Variants in EPHA6 observed in about 807,000 individuals in gnomAD.
EPHA6 encodes EPH receptor A6, also known as ephrin type-A receptor 6.
A neutral mutation model predicts 112.0 loss-of-function variants in EPHA6; 50 were observed. The observed-to-expected ratio is 0.45, with a 90% CI of 0.36 to 0.56. The LOEUF is 0.56. EPHA6 is among the 20% of genes least tolerant of loss of function. The pLI is 0.00. For missense variants in EPHA6, 1,280 were observed against 1,417.4 expected (o/e 0.90, Z 1.56); for synonymous variants, 529 against 490.7 (o/e 1.08, Z -1.03).
chr3:97,173,140 G>C (rs1236341374), intron 3 of EPHA6, among the ~76,000 whole-genome samples: 1 of 151,670 alleles, frequency 6.6e-6, no homozygotes, highest in Admixed American at 6.6e-5. Flanking sequence ...GCTTACACTT[G>C]GACAAGTTAG....
chr3:97,027,484 GA>G (rs1401159554), intron 3 of EPHA6, among the ~76,000 whole-genome samples: 2 of 151,694 alleles, frequency 1.3e-5, no homozygotes, highest in East Asian at 1.9e-4. Flanking sequence ...CACCTCCAAG[GA>G]AAAAAACACC....
intron 14 of EPHA6, among the ~76,000 whole-genome samples, chr3:97,664,475 A>G (rs2094192079): frequency 6.6e-6 from 1 of 152,144 alleles, no homozygotes; most frequent in Non-Finnish European, 1.5e-5. Context: ...GGCCAGGGCA[A>G]TCAGGCAGGA....
At chr3:97,465,064 A>G (rs1250318152) in intron 7 of EPHA6, among the ~76,000 whole-genome samples, 2 of 152,120 alleles carry the variant, frequency 1.3e-5, no homozygotes, top group Non-Finnish European at 2.9e-5. Flanking sequence ...AATCAGTGCC[A>G]TATTGTGAAG....
chr3:97,332,571 G>T (rs977081996), intron 5 of EPHA6, among the ~76,000 whole-genome samples: 4 of 152,058 alleles, frequency 2.6e-5, no homozygotes, highest in African/African-American at 4.8e-5. Context: ...TTTTCTAAAA[G>T]TTTTATGTTT....
chr3:97,088,872 A>G (rs1165275396), intron 3 of EPHA6, among the ~76,000 whole-genome samples: 9 of 152,182 alleles, frequency 5.9e-5, no homozygotes, highest in African/African-American at 9.6e-5. Flanking sequence ...AAAGGGTAAC[A>G]GCTAAAAGCA....
rs549266606 is a variant in EPHA6 at position 97,614,427 on chromosome 3, C to T, written c.2574+3573C>T. Among the ~76,000 whole-genome samples the T allele has an allele frequency of 4.4e-3, 657 of 150,224 alleles. 7 individuals carry two copies. The highest frequency in any genetic ancestry group is 0.015 in the African/African-American group (603 of 40,982). On this transcript the variant is annotated intron_variant, in intron 13 of 17. Coordinates refer to ENST00000389672, the MANE Select transcript of EPHA6 (RefSeq NM_001080448.3). ...TTGGCTCACTGCAACCTCCGCCTCC[C>T]GGGTTCAAGTGATTCTCCTGCCTCA... is the stretch of plus-strand genomic sequence containing the variant.
intron 14 of EPHA6, among the ~76,000 whole-genome samples, chr3:97,684,186 C>T (rs913751308): frequency 2.0e-5 from 3 of 151,990 alleles, no homozygotes; most frequent in Admixed American, 6.6e-5. Context: ...AATTCTTTTT[C>T]GTACTCAGCA....
At chr3:97,319,667 C>CAAAAAAAAAAAA (rs1340197693) in intron 5 of EPHA6, among the ~76,000 whole-genome samples, 1 of 54,774 alleles carries the variant, frequency 1.8e-5, no homozygotes, top group African/African-American at 6.2e-5. Context: ...GAGATTGTCT[C>CAAAAAAAAAAAA]AAAAAAAAAA....
chr3:97,451,118 A>G (rs1296972851), intron 7 of EPHA6, among the ~76,000 whole-genome samples: 1 of 152,044 alleles, frequency 6.6e-6, no homozygotes, highest in East Asian at 1.9e-4. Context: ...ATGAAGGTGG[A>G]GAGTTACACA....
At chr3:97,067,892 C>T (rs953981829) in intron 3 of EPHA6, among the ~76,000 whole-genome samples, 17 of 151,854 alleles carry the variant, frequency 1.1e-4, no homozygotes, top group African/African-American at 3.9e-4. Flanking sequence ...CCTGTAATCC[C>T]AACACTTTGG....
Position 96,987,486 on chromosome 3 carries a change from A to C in EPHA6, c.607A>C (p.Arg203=). The change falls in exon 3 of 18, where the codon AGG becomes CGG. Residue 203 remains arginine, a synonymous_variant. Transcript: ENST00000389672. The part of the protein sequence containing the change: ...KIYVEMKFTL[R]DCNSIPWVLG... ...TTATGTGGAAATGAAATTCACACTA[A>C]GGGATTGTAACAGCATCCCATGGGT... 1 of 1,613,960 alleles carries C rather than the reference A, an allele frequency of 6.2e-7. No homozygotes were observed. Among genetic ancestry groups the C allele is most frequent in the Non-Finnish European group, 8.5e-7 (1 of 1,179,864 alleles).
In EPHA6 at chr3:97,227,510, C is replaced by T. The variant is rs564104293; in HGVS notation, c.1270+1091C>T. 1.8e-4 allele frequency among the ~76,000 whole-genome samples: 28 copies of T among 152,232 alleles called. No homozygotes were observed. The South Asian group carries it at 2.7e-3, about 15-fold the overall frequency. ...TGCTGGGATTACAAGCATGAGCCAC[C>T]GCCCCTGGCCGAAACTATTTTTTAT... On this transcript the variant is annotated intron_variant, in intron 4 of 17. Transcript: ENST00000389672.
chr3:97,411,216 T>C (rs2087692624), intron 6 of EPHA6, among the ~76,000 whole-genome samples: 1 of 152,016 alleles, frequency 6.6e-6, no homozygotes, highest in African/African-American at 2.4e-5. Context: ...TGTTGTTCAA[T>C]AAACATCACA....
intron 2 of EPHA6, among the ~76,000 whole-genome samples, chr3:96,981,680 T>C (rs1457715870): frequency 6.6e-6 from 1 of 151,698 alleles, no homozygotes; most frequent in Non-Finnish European, 1.5e-5. Context: ...ATCCTTCTGG[T>C]CCTGGACTTT....
At chr3:97,055,047 T>A (rs1291287411) in intron 3 of EPHA6, among the ~76,000 whole-genome samples, 2 of 152,124 alleles carry the variant, frequency 1.3e-5, no homozygotes, top group Admixed American at 6.6e-5. Flanking sequence ...GCCAACACAT[T>A]TAATTTGCAT....
intron 1 of EPHA6, among the ~76,000 whole-genome samples, chr3:96,862,094 AT>A (rs2036040199): frequency 6.6e-6 from 1 of 152,024 alleles, no homozygotes; most frequent in Non-Finnish European, 1.5e-5. Context: ...AGTTTAAAGC[AT>A]TTAAACAGTA....
At chr3:96,907,103 G>A (rs2038974798) in intron 2 of EPHA6, among the ~76,000 whole-genome samples, 1 of 151,612 alleles carries the variant, frequency 6.6e-6, no homozygotes, top group Admixed American at 6.6e-5. Context: ...ATAATGAAAG[G>A]ATCTGCAGAA....
intron 5 of EPHA6, among the ~76,000 whole-genome samples, chr3:97,324,488 C>CTCTT (rs1023650601): frequency 1.3e-5 from 1 of 79,164 alleles, no homozygotes; most frequent in African/African-American, 5.2e-5. Flanking sequence ...TCGTCTCTTT[C>CTCTT]TCTTTCTTTC....
chr3:97,123,248 C>T (rs1056968819), intron 3 of EPHA6, among the ~76,000 whole-genome samples: 3 of 151,980 alleles, frequency 2.0e-5, no homozygotes, highest in Non-Finnish European at 4.4e-5. Flanking sequence ...TTTAAAAATT[C>T]AGTAATGTAT....
Sources: gnomAD v4.1 joint callset for allele counts (sites outside exome capture counted in the v4.1 genomes callset) on GRCh38, gnomAD v4.1.1 for gene constraint, MANE v1.5 for transcripts, NCBI Gene and HGNC (gene_info 2026-07-23, HGNC 2026-07-21) for gene names.